CLYBL: variants seen among roughly 807,000 people sequenced by gnomAD.
The protein encoded by CLYBL is citramalyl-CoA lyase, mitochondrial.
In CLYBL, 31 loss-of-function variants were observed where a neutral mutation model predicts 38.9. That is an observed-to-expected ratio of 0.80 (90% CI 0.60 to 1.08). The LOEUF (loss-of-function observed/expected upper bound fraction) is 1.08, where lower values mean the gene tolerates loss of function less well. Ranked by LOEUF, CLYBL falls within the 50% of genes least tolerant of loss-of-function variation. The pLI is 0.00. For synonymous variants in CLYBL, 171 were observed against 158.6 expected, an observed-to-expected ratio of 1.08 and a Z score of -0.59; for missense variants, 434 against 411.6, an observed-to-expected ratio of 1.05 and a Z score of -0.47.
chr13:99,693,149 G>A (rs9585191), intron 1 of CLYBL, among the ~76,000 whole-genome samples: 2,280 of 152,166 alleles, frequency 0.015, 50 homozygotes, highest in African/African-American at 0.051. Flanking sequence ...GATGTATAGC[G>A]TTTTGTGCCT....
At chr13:99,629,788 C>T (rs1235265467) in intron 1 of CLYBL, among the ~76,000 whole-genome samples, 2 of 152,158 alleles carry the variant, frequency 1.3e-5, no homozygotes, top group South Asian at 4.1e-4. Context: ...CGCTCTGGTC[C>T]CTGGGCTCCT....
chr13:99,772,570 C>T (rs1036354189), intron 1 of CLYBL, among the ~76,000 whole-genome samples: 10 of 152,106 alleles, frequency 6.6e-5, no homozygotes, highest in Non-Finnish European at 2.9e-5. Flanking sequence ...TGGTGGCACA[C>T]ACCTGTAGTC....
At chr13:99,796,378 A>G (rs1594188629) in intron 2 of CLYBL, among the ~76,000 whole-genome samples, 1 of 152,040 alleles carries the variant, frequency 6.6e-6, no homozygotes, top group African/African-American at 2.4e-5. Flanking sequence ...TCCCCTTCCT[A>G]AGAGGGCCAG....
intron 2 of CLYBL, among the ~76,000 whole-genome samples, chr13:99,798,541 G>C (rs2050067518): frequency 6.6e-6 from 1 of 152,172 alleles, no homozygotes; most frequent in East Asian, 1.9e-4. Flanking sequence ...TCCAGTGAAA[G>C]AAATGAAGAT....
At chr13:99,662,783 A>G (rs1311139025) in intron 1 of CLYBL, among the ~76,000 whole-genome samples, 3 of 152,218 alleles carry the variant, frequency 2.0e-5, no homozygotes, top group East Asian at 1.9e-4. Context: ...ATACTGAGAC[A>G]TTGTTAAGAA....
At chr13:99,750,889 A>C (rs1352231056) in intron 1 of CLYBL, among the ~76,000 whole-genome samples, 1 of 152,214 alleles carries the variant, frequency 6.6e-6, no homozygotes, top group Non-Finnish European at 1.5e-5. Context: ...TACAGCTTAA[A>C]AATTTTAAAA....
rs117138119 is a variant in CLYBL, at chr13:99,752,003, C to T, written c.63-20821C>T. Reference sequence around the variant, plus strand: ...TTTCCCCAGGGTTCAGATCGCCAGTCCCTTTCCACAGTTACCTTTGCTCAC... The same window carrying T: ...TTTCCCCAGGGTTCAGATCGCCAGTTCCTTTCCACAGTTACCTTTGCTCAC... On this transcript the variant is annotated intron_variant, in intron 1 of 8. Coordinates refer to ENST00000339105, the MANE Select transcript of CLYBL (RefSeq NM_206808.5). 4.3e-4 allele frequency among the ~76,000 whole-genome samples: 66 copies of T among 152,250 alleles called. 1 individual carries two copies. The East Asian group carries it at 9.5e-3, about 22-fold the overall frequency.
chr13:99,891,228 C>T, intron 7 of CLYBL, 90 bp from the exon 8 acceptor site: 1 of 961,436 alleles, frequency 1.0e-6, no homozygotes, highest in Non-Finnish European at 1.6e-6. Context: ...CAGGTGGAAT[C>T]TAAAATGTTC....
chr13:99,663,801 T>C (rs2047442248), intron 1 of CLYBL, among the ~76,000 whole-genome samples: 1 of 152,100 alleles, frequency 6.6e-6, no homozygotes, highest in Non-Finnish European at 1.5e-5. Context: ...AGGGACCCCG[T>C]TTTACTCCTG....
intron 2 of CLYBL, among the ~76,000 whole-genome samples, chr13:99,789,201 G>T (rs1161134801): frequency 6.6e-6 from 1 of 152,096 alleles, no homozygotes; most frequent in African/African-American, 2.4e-5. Context: ...GTCTTCTTCA[G>T]TTCTGCTTTG....
intron 1 of CLYBL, among the ~76,000 whole-genome samples, chr13:99,613,772 G>T (rs2046665688): frequency 6.6e-6 from 1 of 152,172 alleles, no homozygotes; most frequent in Admixed American, 6.5e-5. Context: ...TACTTGAACT[G>T]GTATTAAAAG....
intron 1 of CLYBL, among the ~76,000 whole-genome samples, chr13:99,665,370 AAG>A (rs1352627801): frequency 6.6e-6 from 1 of 151,998 alleles, no homozygotes; most frequent in East Asian, 1.9e-4. Flanking sequence ...AAAATTGTCT[AAG>A]TGATATTCTT....
chr13:99,663,668 A>G (rs1188530451), intron 1 of CLYBL, among the ~76,000 whole-genome samples: 1 of 152,142 alleles, frequency 6.6e-6, no homozygotes, highest in Non-Finnish European at 1.5e-5. Flanking sequence ...ACTTGGGGAC[A>G]CTAAGAAAAC....
intron 1 of CLYBL, among the ~76,000 whole-genome samples, chr13:99,612,648 A>G (rs76992038): frequency 0.016 from 2,449 of 152,126 alleles, 60 homozygotes; most frequent in African/African-American, 0.055. Context: ...TTGGCCTCCG[A>G]AAGTGCTGGG....
At chr13:99,632,905 G>C (rs1487482114) in intron 1 of CLYBL, among the ~76,000 whole-genome samples, 1 of 152,140 alleles carries the variant, frequency 6.6e-6, no homozygotes, top group Non-Finnish European at 1.5e-5. Flanking sequence ...TAATAAAAAT[G>C]TATACACAAT....
intron 2 of CLYBL, among the ~76,000 whole-genome samples, chr13:99,777,480 C>CCCTTT (rs2049542965): frequency 6.9e-6 from 1 of 144,120 alleles, no homozygotes; most frequent in African/African-American, 2.5e-5. Context: ...TTTCTTTCTT[C>CCCTTT]CTTTTCTTTT....
intron 1 of CLYBL, among the ~76,000 whole-genome samples, chr13:99,611,295 A>G (rs9300560): frequency 0.85 from 129,144 of 152,240 alleles, 54,876 homozygotes; most frequent in Middle Eastern, 0.91. Flanking sequence ...TATGGAGGAT[A>G]GGATTTTCAA....
At chr13:99,880,070 T>TATATATATATA (rs1186082855) in intron 7 of CLYBL, among the ~76,000 whole-genome samples, 16 of 29,106 alleles carry the variant, frequency 5.5e-4, no homozygotes, top group Non-Finnish European at 1.1e-3. Context: ...ATATATATAT[T>TATATATATATA]TTTTTTTTTT....
At chr13:99,770,299 G>T (rs1313816456) in intron 1 of CLYBL, among the ~76,000 whole-genome samples, 1 of 151,232 alleles carries the variant, frequency 6.6e-6, no homozygotes, top group African/African-American at 2.4e-5. Flanking sequence ...TATTGGCCAG[G>T]CTGGTCTCGA....
Sources: gnomAD v4.1 joint callset for allele counts (sites outside exome capture counted in the v4.1 genomes callset) on GRCh38, gnomAD v4.1.1 for gene constraint, MANE v1.5 for transcripts, NCBI Gene and HGNC (gene_info 2026-07-23, HGNC 2026-07-21) for gene names.